The following PRUNE2 variants were observed in gnomAD, a reference collection of about 807,000 sequenced individuals.
PRUNE2 encodes the protein protein prune homolog 2.
PRUNE2 carries 164 observed loss-of-function variants against 252.0 expected under a neutral mutation model. The observed-to-expected ratio is 0.65, with a 90% confidence interval of 0.57 to 0.74. PRUNE2 has a LOEUF of 0.74. PRUNE2 is among the 30% of genes least tolerant of loss of function. The pLI is 0.00. For missense variants in PRUNE2, 3,495 were observed against 3,711.0 expected, an observed-to-expected ratio of 0.94 and a Z score of 1.51; for synonymous variants, 1,292 against 1,350.2, an observed-to-expected ratio of 0.96 and a Z score of 0.94.
rs745982591 is a variant in PRUNE2, at chr9:76,708,964, A to C, written c.3310T>G (p.Ser1104Ala). The C allele has an allele frequency of 6.2e-7, 1 of 1,613,852 alleles. No homozygotes were observed. Among genetic ancestry groups the C allele is most frequent in the Non-Finnish European group, 8.5e-7 (1 of 1,179,876 alleles). The change falls in exon 8 of 19, where the codon TCC (serine) becomes GCC (alanine). Residue 1104 changes from serine (S) to alanine (A), a missense_variant. By Grantham distance (99) the Ser-to-Ala change is moderately conservative. Coordinates refer to ENST00000376718, the MANE Select transcript of PRUNE2 (RefSeq NM_015225.3). ...AGACTGTCAGGGGCCGTCTGCCGGG[A>C]GTTGGTGCTGCTGTGCAAAAGTGTG... ...QLTLLHSSTN[S>A]RQTAPDSLDL...
At chr9:76,862,766 ATCT>A (rs2060624014) in intron 1 of PRUNE2, 1 of 152,158 alleles carries the variant, frequency 6.6e-6, no homozygotes, top group Non-Finnish European at 1.5e-5. Flanking sequence ...ATTCCTTCTC[ATCT>A]TCTCTCTGTA....
intron 6 of PRUNE2, among the ~76,000 whole-genome samples, chr9:76,763,484 A>G (rs993299381): frequency 6.6e-6 from 1 of 152,200 alleles, no homozygotes; most frequent in Non-Finnish European, 1.5e-5. Flanking sequence ...TGGAGAAAAC[A>G]TACTCGTAAT....
At chr9:76,758,695 C>T (rs1177277328) in intron 6 of PRUNE2, 3 of 47,564 alleles carry the variant, frequency 6.3e-5, no homozygotes, top group Admixed American at 3.2e-4. Flanking sequence ...GCATTTTCTA[C>T]CCCACAGAAC....
chr9:76,637,345 A>G, intron 14 of PRUNE2, 73 bp downstream of exon 14: 1 of 1,407,618 alleles, frequency 7.1e-7, no homozygotes. Flanking sequence ...AGATAATAAC[A>G]GTATACCATG....
chr9:76,616,633 C>T (rs7046144), intron 18 of PRUNE2, among the ~76,000 whole-genome samples: 143,383 of 152,254 alleles, frequency 0.94, 67,580 homozygotes, highest in Admixed American at 0.96. Context: ...CTTCAGCTTT[C>T]GTTAACTCAA....
chr9:76,626,423 T>C (rs1234499024), intron 16 of PRUNE2, among the ~76,000 whole-genome samples: 1 of 152,072 alleles, frequency 6.6e-6, no homozygotes, highest in African/African-American at 2.4e-5. Context: ...TTGCAAAACA[T>C]GAAATTGAGG....
At chr9:76,672,047 T>C (rs2041591740) in intron 9 of PRUNE2, among the ~76,000 whole-genome samples, 1 of 149,680 alleles carries the variant, frequency 6.7e-6, no homozygotes, top group African/African-American at 2.4e-5. Flanking sequence ...AATTCACACA[T>C]AACAATATTA....
intron 6 of PRUNE2, among the ~76,000 whole-genome samples, chr9:76,774,123 T>C (rs2053424040): frequency 2.6e-5 from 4 of 152,194 alleles, no homozygotes; most frequent in Admixed American, 2.6e-4. Flanking sequence ...TGATTCTTTT[T>C]TATTTTTTAA....
At chr9:76,728,891 CA>C in intron 6 of PRUNE2, among the ~76,000 whole-genome samples, 1 of 152,308 alleles carries the variant, frequency 6.6e-6, no homozygotes, top group East Asian at 1.9e-4. Context: ...ATCTCTCACA[CA>C]ATCAGCCCTC....
chr9:76,686,371 C>T (rs376500287), intron 9 of PRUNE2, among the ~76,000 whole-genome samples: 1 of 152,130 alleles, frequency 6.6e-6, no homozygotes, highest in Non-Finnish European at 1.5e-5. Context: ...TAATGGCAAG[C>T]ACATAAAAAA....
At chr9:76,661,665 T>C (rs1851500160) in intron 9 of PRUNE2, among the ~76,000 whole-genome samples, 1 of 152,370 alleles carries the variant, frequency 6.6e-6, no homozygotes, top group South Asian at 2.1e-4. Flanking sequence ...TGAGAGCCAA[T>C]GTGTTCTTAA....
In PRUNE2 at chr9:76,703,653, C is replaced by T. The variant is rs753475161; in HGVS notation, c.7960G>A (p.Gly2654Arg). Residue 2654 changes from glycine (G) to arginine (R), a missense_variant, in exon 9 of 19, where the codon GGG (glycine) becomes AGG (arginine). Gly to Arg is a moderately radical substitution (Grantham distance 125). Transcript: ENST00000376718. ...GGCTCCACAGTCTTGCCAGACCACCCAGGCCCTGAGTCCCTGGCATCCAGT... is the reference window on the plus strand; with the variant it reads ...GGCTCCACAGTCTTGCCAGACCACCTAGGCCCTGAGTCCCTGGCATCCAGT... ...PSLDARDSGP[G>R]WSGKTVEPFS... The T allele has an allele frequency of 6.2e-7, 1 of 1,612,616 alleles. No homozygotes were observed. Among genetic ancestry groups the T allele is most frequent in the South Asian group, 1.1e-5 (1 of 91,074 alleles).
At chr9:76,812,655 C>T (rs561236083) in intron 6 of PRUNE2, among the ~76,000 whole-genome samples, 3 of 152,308 alleles carry the variant, frequency 2.0e-5, no homozygotes, top group East Asian at 1.9e-4. Flanking sequence ...ACACTAACAG[C>T]CCCTGTATAT....
intron 4 of PRUNE2, among the ~76,000 whole-genome samples, chr9:76,834,585 T>C (rs2058850561): frequency 6.6e-6 from 1 of 152,180 alleles, no homozygotes; most frequent in Non-Finnish European, 1.5e-5. Flanking sequence ...AAAGGCAGTA[T>C]TAAGAAATTA....
intron 11 of PRUNE2, among the ~76,000 whole-genome samples, chr9:76,646,464 G>A (rs950888949): frequency 1.3e-5 from 2 of 152,152 alleles, no homozygotes; most frequent in Non-Finnish European, 2.9e-5. Flanking sequence ...ACAGAGCCTT[G>A]GCTCACTCTG....
chr9:76,822,792 G>T (rs1210946914), intron 6 of PRUNE2, among the ~76,000 whole-genome samples: 2 of 150,988 alleles, frequency 1.3e-5, no homozygotes, highest in Non-Finnish European at 2.9e-5. Context: ...GGGTGACAGA[G>T]CAAGACTCCA....
At chr9:76,736,069 GA>G in intron 6 of PRUNE2, among the ~76,000 whole-genome samples, 1 of 152,156 alleles carries the variant, frequency 6.6e-6, no homozygotes, top group Non-Finnish European at 1.5e-5. Context: ...GAGAAAATAT[GA>G]AATACCAAAT....
chr9:76,645,495 C>T (rs894308156), intron 11 of PRUNE2, among the ~76,000 whole-genome samples: 2 of 152,050 alleles, frequency 1.3e-5, no homozygotes, highest in Non-Finnish European at 2.9e-5. Context: ...ATATGCCACA[C>T]CAAGACTTTA....
At chr9:76,815,450 T>C (rs1350932386) in intron 6 of PRUNE2, among the ~76,000 whole-genome samples, 2 of 152,162 alleles carry the variant, frequency 1.3e-5, no homozygotes, top group Non-Finnish European at 2.9e-5. Context: ...AATGGCACCT[T>C]CTCACCGCAT....
Sources: allele counts gnomAD v4.1 joint callset (sites outside exome capture counted in the v4.1 genomes callset), GRCh38; gene constraint gnomAD v4.1.1; transcripts MANE v1.5; gene names NCBI Gene and HGNC (gene_info 2026-07-23, HGNC 2026-07-21).